Variants in KIF13A observed in about 807,000 individuals in gnomAD.
KIF13A encodes the protein kinesin family member 13A.
In KIF13A, 79 loss-of-function variants were observed where a neutral mutation model predicts 212.2. The observed-to-expected ratio is 0.37, with a 90% confidence interval of 0.31 to 0.45. The LOEUF (loss-of-function observed/expected upper bound fraction) is 0.45, where lower values mean the gene tolerates loss of function less well. Ranked by LOEUF, KIF13A falls within the 20% of genes least tolerant of loss-of-function variation. The probability of loss-of-function intolerance (pLI) is 1.00; values close to 1 mark genes in which losing one functional copy is unlikely to be tolerated. For synonymous variants in KIF13A, 789 were observed against 808.6 expected, an observed-to-expected ratio of 0.98 and a Z score of 0.41; for missense variants, 1,901 against 2,209.0, an observed-to-expected ratio of 0.86 and a Z score of 2.79.
rs1366499298 is a variant in KIF13A at position 17,828,495 on chromosome 6, A to T, written c.1402-125T>A. ...AAATATTAAACGAATCCTGCCAGAG[A>T]TGTTAAATATCTTAAGCATTAAAAG... On this transcript the variant is annotated intron_variant, in intron 13 of 38. Coordinates refer to ENST00000259711, the MANE Select transcript of KIF13A (RefSeq NM_022113.6). The surrounding 1 kb of genome is among the most constrained non-coding windows in gnomAD (Gnocchi z 4.3). The T allele has an allele frequency of 2.8e-6, 2 of 717,568 alleles. No individual in the cohort carries two copies. Among genetic ancestry groups the T allele is most frequent in the Admixed American group, 6.8e-5 (2 of 29,270 alleles). 44.5% of individuals were successfully genotyped at this position (717,568 alleles called of 1,614,324 possible). A position where few individuals can be genotyped will look rare whatever the true frequency, so the allele number is the denominator to read the frequency against.
rs544744872 is a variant in KIF13A, at chr6:17,894,653, C to T, written c.159+3515G>A. Among the ~76,000 whole-genome samples, 7 of 152,252 alleles carry T rather than the reference C, an allele frequency of 4.6e-5. No individual in the cohort carries two copies. In the South Asian group the frequency reaches 1.5e-3, roughly 32 times the overall value. On this transcript the variant is annotated intron_variant, in intron 3 of 38. Coordinates refer to ENST00000259711, the MANE Select transcript of KIF13A (RefSeq NM_022113.6). The stretch of plus-strand genomic sequence containing the variant: ...TATTAGTGTGGTACATTTGTTATAA[C>T]TGATGAACCAATATTGATACATTAT...
intron 2 of KIF13A, among the ~76,000 whole-genome samples, chr6:17,910,368 ATG>A (rs1773935216): frequency 6.6e-6 from 1 of 152,216 alleles, no homozygotes; most frequent in Admixed American, 6.5e-5. Flanking sequence ...CATGGTCTAT[ATG>A]TGTATTTCCA....
At chr6:17,824,444 A>C (rs1764756331) in intron 16 of KIF13A, among the ~76,000 whole-genome samples, 1 of 152,076 alleles carries the variant, frequency 6.6e-6, no homozygotes, top group South Asian at 2.1e-4. Flanking sequence ...CCAATGTTTA[A>C]GGGAAGAGCT....
At position 17,816,991 on chromosome 6, in the gene KIF13A, C is replaced by A. The variant is rs371224950; in HGVS notation, c.2000+29G>T. 105 of 1,580,064 alleles carry A rather than the reference C, an allele frequency of 6.6e-5. No homozygotes were observed. The African/African-American group carries it at 1.2e-3, about 18-fold the overall frequency. ...AAGACCCACGGCCTTGGGGCCTTGA[C>A]TCTGGGCTGCCCCCGCTGCAGTTCT... On this transcript the variant is annotated intron_variant, in intron 17 of 38. Transcript: ENST00000259711. The surrounding 1 kb of genome is among the most constrained non-coding windows in gnomAD (Gnocchi z 4.3).
At chr6:17,986,209 CATAT>C (rs1398163457) in intron 2 of KIF13A, among the ~76,000 whole-genome samples, 3 of 152,132 alleles carry the variant, frequency 2.0e-5, no homozygotes, top group South Asian at 2.1e-4. Flanking sequence ...CGTTTTTTCA[CATAT>C]ATATATTTAC....
intron 16 of KIF13A, among the ~76,000 whole-genome samples, chr6:17,821,554 T>G (rs931169441): frequency 2.8e-5 from 4 of 144,742 alleles, no homozygotes; most frequent in African/African-American, 5.1e-5. Context: ...TGGGACATGG[T>G]GTGTGTGTGT....
At chr6:17,782,363 C>T (rs949300702) in intron 29 of KIF13A, among the ~76,000 whole-genome samples, 2 of 152,004 alleles carry the variant, frequency 1.3e-5, no homozygotes, top group Non-Finnish European at 2.9e-5. Context: ...GGAGGCTGAG[C>T]GCAGTGGCTC....
chr6:17,984,636 G>T lies in KIF13A; in HGVS notation c.146+2418C>A. On this transcript the variant is annotated intron_variant, in intron 2 of 38. Coordinates refer to ENST00000259711, the MANE Select transcript of KIF13A (RefSeq NM_022113.6). The surrounding 1 kb of genome is among the most constrained non-coding windows in gnomAD (Gnocchi z 5.0). ...AATGCATTCTCACTTGTTTTTACTG[G>T]TAAGACTGAAAACTTTCACCCACTA... is the stretch of plus-strand genomic sequence containing the variant. 2 of 728,210 alleles carry T rather than the reference G, an allele frequency of 2.7e-6. No homozygotes were observed. Among genetic ancestry groups the T allele is most frequent in the Non-Finnish European group, 3.4e-6 (2 of 596,284 alleles). The allele number at this position is 728,210 out of a possible 1,614,324, so 45.1% of individuals were successfully genotyped here.
At position 17,836,920 on chromosome 6, in the gene KIF13A, C is replaced by T. The variant is rs1270692691; in HGVS notation, c.1113G>A (p.Arg371=). 6 of 1,613,800 alleles carry T rather than the reference C, an allele frequency of 3.7e-6. No individual in the cohort carries two copies. The highest frequency in any genetic ancestry group is 1.7e-5 in the Admixed American group (1 of 59,990). ...DPNAKVIREL[R]EEVEKLREQL... ...GCTCTCTCAGTTTCTCGACTTCCTC[C>T]CGCAGTTCTCGGATCACTTTTGCGT... Residue 371 remains arginine (R), a synonymous_variant, in exon 11 of 39, where the codon CGG becomes CGA. Transcript: ENST00000259711.
Position 17,826,528 on chromosome 6 carries a change from C to A in KIF13A, c.1533-404G>T, listed in dbSNP as rs1347907703. Among the ~76,000 whole-genome samples, 1 of 152,032 alleles carries A rather than the reference C, an allele frequency of 6.6e-6. No individual in the cohort carries two copies. Among genetic ancestry groups the A allele is most frequent in the Admixed American group, 6.6e-5 (1 of 15,250 alleles). ...TGACTGTGGGAACCTCTAGGATCAA[C>A]AATGAGGTGACTTCAACAAATAAAA... On this transcript the variant is annotated intron_variant, in intron 14 of 38. Coordinates refer to ENST00000259711, the MANE Select transcript of KIF13A (RefSeq NM_022113.6). The surrounding 1 kb of genome is among the most constrained non-coding windows in gnomAD (Gnocchi z 4.7).
chr6:17,901,182 C>T (rs1273846263), intron 2 of KIF13A, among the ~76,000 whole-genome samples: 1 of 151,002 alleles, frequency 6.6e-6, no homozygotes, highest in African/African-American at 2.4e-5. Context: ...GGGCTGCTCA[C>T]TCATCCTAAC....
In KIF13A at chr6:17,783,600, C is replaced by A. The variant is rs770539897; in HGVS notation, c.3544+46G>T. On this transcript the variant is annotated intron_variant, in intron 29 of 38. Transcript: ENST00000259711. The surrounding 1 kb of genome is among the most constrained non-coding windows in gnomAD (Gnocchi z 4.3). ...AATGTGAATCTGGATAGATTACAAA[C>A]CTTAGTTAAATACAATAATCCCTGT... The A allele has an allele frequency of 5.1e-5, 62 of 1,215,454 alleles. No homozygotes were observed. The highest frequency in any genetic ancestry group is 1.0e-4 in the South Asian group (8 of 77,428). The allele number at this position is 1,215,454 out of a possible 1,614,324, so 75.3% of individuals were successfully genotyped here.
rs1005017403 is a variant in KIF13A, at chr6:17,982,641, T to G, written c.146+4413A>C. Among the ~76,000 whole-genome samples, 25 of 152,196 alleles carry G rather than the reference T, an allele frequency of 1.6e-4. No individual in the cohort carries two copies. The highest frequency in any genetic ancestry group is 1.5e-5 in the Non-Finnish European group (1 of 68,036). Reference sequence around the variant, plus strand: ...AACATTTTATTTTTACACAGTAGGTTAGATATGCACTTTATTTTGGAGTCT... The same window carrying G: ...AACATTTTATTTTTACACAGTAGGTGAGATATGCACTTTATTTTGGAGTCT... On this transcript the variant is annotated intron_variant, in intron 2 of 38. Coordinates refer to ENST00000259711, the MANE Select transcript of KIF13A (RefSeq NM_022113.6). The surrounding 1 kb of genome is among the most constrained non-coding windows in gnomAD (Gnocchi z 5.1).
chr6:17,824,776 A>C (rs1037494677), intron 16 of KIF13A, among the ~76,000 whole-genome samples: 31 of 148,280 alleles, frequency 2.1e-4, no homozygotes, highest in East Asian at 7.8e-4. Flanking sequence ...AAAAAAAAAA[A>C]AAAACAAAAC....
At chr6:17,775,427 C>T (rs1478973619) in intron 34 of KIF13A, among the ~76,000 whole-genome samples, 1 of 152,102 alleles carries the variant, frequency 6.6e-6, no homozygotes, top group African/African-American at 2.4e-5. Flanking sequence ...ATGAGAATCT[C>T]TAGAGTATAT....
At position 17,966,712 on chromosome 6, in the gene KIF13A, T is replaced by C. The variant is rs201119926; in HGVS notation, c.146+20342A>G. Among the ~76,000 whole-genome samples, 9 of 152,302 alleles carry C rather than the reference T, an allele frequency of 5.9e-5. No homozygotes were observed. The East Asian group carries it at 1.2e-3, about 20-fold the overall frequency. On this transcript the variant is annotated intron_variant, in intron 2 of 38. Transcript: ENST00000259711. ...TGAGAAATGTATCAAAAATTGTTTT[T>C]ATTGTTAACATCATTATGTGTCTCA...
At chr6:17,815,855 G>A (rs1457236157) in intron 17 of KIF13A, among the ~76,000 whole-genome samples, 1 of 151,312 alleles carries the variant, frequency 6.6e-6, no homozygotes, top group African/African-American at 2.4e-5. Context: ...TCTCCTTTGA[G>A]AGTTCTGATA....
At position 17,906,035 on chromosome 6, in the gene KIF13A, C is replaced by G. The variant is rs377156384; in HGVS notation, c.147-7855G>C. Among the ~76,000 whole-genome samples the G allele has an allele frequency of 7.2e-5, 11 of 152,312 alleles. No individual in the cohort carries two copies. In the East Asian group the frequency reaches 1.7e-3, roughly 24 times the overall value. On this transcript the variant is annotated intron_variant, in intron 2 of 38. Transcript: ENST00000259711. The stretch of plus-strand genomic sequence containing the variant: ...AAAGTAGAAGGGGTTACATAAGCAT[C>G]TGGAAGACCTTTGAAACCTATCACA...
chr6:17,785,688 G>A lies in KIF13A; in HGVS notation c.3362-47C>T, dbSNP rs1216065476. 6.4e-7 allele frequency: 1 copy of A among 1,571,530 alleles called. No homozygotes were observed. Among genetic ancestry groups the A allele is most frequent in the Non-Finnish European group, 8.6e-7 (1 of 1,156,564 alleles). Reference sequence around the variant, plus strand: ...TCAATGCCAACAAGAGAGAAAGTATGACTTCTCAGTTTACAAGGAATAGAT... The same window carrying A: ...TCAATGCCAACAAGAGAGAAAGTATAACTTCTCAGTTTACAAGGAATAGAT... On this transcript the variant is annotated intron_variant, in intron 27 of 38. Coordinates refer to ENST00000259711, the MANE Select transcript of KIF13A (RefSeq NM_022113.6). The surrounding 1 kb of genome is among the most constrained non-coding windows in gnomAD (Gnocchi z 5.8).
Sources: gnomAD v4.1 joint callset for allele counts (sites outside exome capture counted in the v4.1 genomes callset) on GRCh38, gnomAD v4.1.1 for gene constraint, Gnocchi (gnomAD v3.1) non-coding constraint, MANE v1.5 for transcripts, NCBI Gene and HGNC (gene_info 2026-07-23, HGNC 2026-07-21) for gene names.